Variants in PKHD1 observed in about 807,000 individuals in gnomAD.
PKHD1 encodes PKHD1 ciliary IPT domain containing fibrocystin/polyductin.
A neutral mutation model predicts 412.0 loss-of-function variants in PKHD1; 291 were observed. The ratio of observed to expected loss-of-function variants is 0.71; its 90% CI spans 0.64 to 0.78. The LOEUF (loss-of-function observed/expected upper bound fraction) is 0.78, where lower values mean the gene tolerates loss of function less well. Among genes scored for constraint, PKHD1 ranks in the 30% least tolerant of loss-of-function variants. The pLI, the probability that PKHD1 is intolerant of heterozygous loss-of-function variation, is 0.00. For synonymous variants in PKHD1, 1,777 were observed against 1,821.5 expected, an observed-to-expected ratio of 0.98 and a Z score of 0.62; for missense variants, 4,825 against 4,950.7, an observed-to-expected ratio of 0.97 and a Z score of 0.76.
At chr6:51,765,252 TTCTGGCCTCA>T (rs151203491) in intron 55 of PKHD1, among the ~76,000 whole-genome samples, 3,353 of 152,170 alleles carry the variant, frequency 0.022, 120 homozygotes, top group African/African-American at 0.077. Context: ...GATACATGAT[TTCTGGCCTCA>T]ACTGGCCTCC....
At chr6:51,884,230 T>C (rs1777847010) in intron 45 of PKHD1, among the ~76,000 whole-genome samples, 1 of 152,180 alleles carries the variant, frequency 6.6e-6, no homozygotes, top group African/African-American at 2.4e-5. Flanking sequence ...ACTTAATTCT[T>C]TTGTGTGTGA....
intron 50 of PKHD1, among the ~76,000 whole-genome samples, chr6:51,839,146 G>C (rs954047802): frequency 1.3e-5 from 2 of 152,156 alleles, no homozygotes; most frequent in African/African-American, 4.8e-5. Flanking sequence ...ACTCTACAAA[G>C]AACTGTAAAT....
intron 42 of PKHD1, 62 bp from the exon 43 acceptor site, chr6:51,903,789 C>A (rs1474764080): frequency 1.1e-5 from 15 of 1,313,082 alleles, no homozygotes; most frequent in Non-Finnish European, 1.5e-5. Context: ...AACTCAACAC[C>A]CTTGATTCTA....
At chr6:51,982,388 A>G (rs1795538005) in intron 35 of PKHD1, among the ~76,000 whole-genome samples, 1 of 128,480 alleles carries the variant, frequency 7.8e-6, no homozygotes. Context: ...GTGGGGAAAA[A>G]ATTGAGAAAT....
intron 57 of PKHD1, among the ~76,000 whole-genome samples, chr6:51,751,694 C>T (rs1409751765): frequency 1.3e-5 from 2 of 152,136 alleles, no homozygotes; most frequent in Non-Finnish European, 2.9e-5. Context: ...ACCTAATGTA[C>T]AGCAGTTACC....
At chr6:51,911,169 T>G (rs569224146) in intron 39 of PKHD1, among the ~76,000 whole-genome samples, 3 of 152,248 alleles carry the variant, frequency 2.0e-5, no homozygotes, top group African/African-American at 7.2e-5. Context: ...TGGACCAAAG[T>G]TGACAAATGA....
intron 45 of PKHD1, among the ~76,000 whole-genome samples, chr6:51,885,162 G>A (rs982435355): frequency 2.6e-5 from 4 of 152,096 alleles, no homozygotes; most frequent in Admixed American, 2.6e-4. Context: ...TGTCTGTATT[G>A]CATCAAATAG....
intron 60 of PKHD1, among the ~76,000 whole-genome samples, chr6:51,686,635 A>T (rs1777479346): frequency 6.6e-6 from 1 of 152,224 alleles, no homozygotes; most frequent in Admixed American, 6.5e-5. Flanking sequence ...TATGTATATT[A>T]CTTAGTCACT....
chr6:52,049,098 C>T (rs1806335802), intron 22 of PKHD1, among the ~76,000 whole-genome samples: 1 of 152,192 alleles, frequency 6.6e-6, no homozygotes, highest in Admixed American at 6.5e-5. Context: ...TTATGCATCA[C>T]TTAACAGTGA....
intron 55 of PKHD1, among the ~76,000 whole-genome samples, chr6:51,765,510 A>C (rs1788841309): frequency 6.6e-6 from 1 of 150,964 alleles, no homozygotes; most frequent in Non-Finnish European, 1.5e-5. Context: ...TTTCCCCCCT[A>C]CCCCCACCCT....
intron 60 of PKHD1, among the ~76,000 whole-genome samples, chr6:51,679,371 A>C (rs1354547097): frequency 2.0e-5 from 3 of 152,100 alleles, no homozygotes; most frequent in Non-Finnish European, 4.4e-5. Context: ...TTACCTAAAC[A>C]AAAGTAGTTT....
At chr6:51,824,895 A>G (rs1474645178) in intron 52 of PKHD1, among the ~76,000 whole-genome samples, 3 of 152,152 alleles carry the variant, frequency 2.0e-5, no homozygotes, top group Non-Finnish European at 2.9e-5. Context: ...TGGGGGCCCA[A>G]TTATGTTTGG....
chr6:51,745,429 T>G (rs778145946), intron 59 of PKHD1, among the ~76,000 whole-genome samples: 2 of 152,144 alleles, frequency 1.3e-5, no homozygotes, highest in East Asian at 3.9e-4. Flanking sequence ...ACACAGCGTT[T>G]CTCCCCTCTG....
At chr6:51,857,662 T>C (rs1295945035) in intron 48 of PKHD1, among the ~76,000 whole-genome samples, 1 of 152,200 alleles carries the variant, frequency 6.6e-6, no homozygotes, top group Non-Finnish European at 1.5e-5. Context: ...TTAGGTCTCA[T>C]TTAAGAACCT....
At chr6:51,730,979 G>A (rs1783169046) in intron 60 of PKHD1, among the ~76,000 whole-genome samples, 1 of 152,158 alleles carries the variant, frequency 6.6e-6, no homozygotes, top group South Asian at 2.1e-4. Context: ...GGAGTGCAGT[G>A]GCATAATCAT....
Position 51,891,115 on chromosome 6 carries a change from C to T in PKHD1, c.6997-3870G>A, listed in dbSNP as rs139477518. Among the ~76,000 whole-genome samples the T allele has an allele frequency of 2.5e-3, 377 of 152,294 alleles. 3 individuals are homozygous for T. The highest frequency in any genetic ancestry group is 8.1e-3 in the African/African-American group (337 of 41,554). Reference sequence around the variant, plus strand: ...AGTAAGGATGGATTGAGAGTGAGGACTCCATACCCTTTTACTTGTAGCTAT... The same window carrying T: ...AGTAAGGATGGATTGAGAGTGAGGATTCCATACCCTTTTACTTGTAGCTAT... On this transcript the variant is annotated intron_variant, in intron 43 of 66. Transcript: ENST00000371117.
chr6:51,959,442 C>T (rs1355269685), intron 36 of PKHD1, among the ~76,000 whole-genome samples: 1 of 152,014 alleles, frequency 6.6e-6, no homozygotes, highest in East Asian at 1.9e-4. Context: ...TATGACTTTC[C>T]ATGGGACCAA....
chr6:51,632,001 C>A (rs1037440267), intron 65 of PKHD1, among the ~76,000 whole-genome samples: 1 of 146,998 alleles, frequency 6.8e-6, no homozygotes, highest in African/African-American at 2.6e-5. Flanking sequence ...AGTGCAATGG[C>A]GCAATCTCGG....
In PKHD1 at chr6:52,054,317, C is replaced by G; in HGVS notation, c.1837-152G>C. ...CCCTTCCAGAGCTTACCAGTGTAGC[C>G]AGAGAGACAAATAACTTAAATTGTT... On this transcript the variant is annotated intron_variant, in intron 19 of 66. Coordinates refer to ENST00000371117, the MANE Select transcript of PKHD1 (RefSeq NM_138694.4). 14 of 668,716 alleles carry G rather than the reference C, an allele frequency of 2.1e-5. No individual in the cohort carries two copies. The South Asian group carries it at 2.7e-4, about 13-fold the overall frequency. The allele number at this position is 668,716 out of a possible 1,614,324, so 41.4% of individuals were successfully genotyped here.
Sources: gnomAD v4.1 joint callset for allele counts (sites outside exome capture counted in the v4.1 genomes callset) on GRCh38, gnomAD v4.1.1 for gene constraint, MANE v1.5 for transcripts, NCBI Gene and HGNC (gene_info 2026-07-23, HGNC 2026-07-21) for gene names.